The following IL2RA variants were observed in gnomAD, a reference collection of about 807,000 sequenced individuals.
IL2RA encodes the protein interleukin 2 receptor subunit alpha, also known as interleukin-2 receptor subunit alpha.
Under a neutral mutation model 37.8 loss-of-function variants are expected in IL2RA, and 24 were observed. That is an observed-to-expected ratio of 0.63 (90% CI 0.46 to 0.89). IL2RA has a LOEUF of 0.89. Among genes scored for constraint, IL2RA ranks in the 40% least tolerant of loss-of-function variants. IL2RA has a pLI of 0.00. For synonymous variants in IL2RA, 125 were observed against 114.6 expected, an observed-to-expected ratio of 1.09 and a Z score of -0.58; for missense variants, 319 against 348.6, an observed-to-expected ratio of 0.92 and a Z score of 0.68.
At chr10:6,027,846 T>C (rs1206807944) in intron 1 of IL2RA, among the ~76,000 whole-genome samples, 2 of 152,184 alleles carry the variant, frequency 1.3e-5, no homozygotes, top group Non-Finnish European at 2.9e-5. Flanking sequence ...TTGGCACTTA[T>C]TATGGATCAA....
chr10:6,030,067 G>A (rs190567576), intron 1 of IL2RA, among the ~76,000 whole-genome samples: 32 of 152,172 alleles, frequency 2.1e-4, no homozygotes, highest in Middle Eastern at 3.4e-3. Context: ...GCCTAGCCGG[G>A]GCTTGAAGGC....
chr10:6,012,568 T>C lies in IL2RA; in HGVS notation c.*304A>G, dbSNP rs1839206993. ...GGAGAGAGTTCCATACCATTCATGCTTTAATGAACACATATACATGAAAAT... is the reference window on the plus strand; with the variant it reads ...GGAGAGAGTTCCATACCATTCATGCCTTAATGAACACATATACATGAAAAT... On this transcript the variant is annotated 3_prime_UTR_variant, in exon 8 of 8. Transcript: ENST00000379959. The surrounding 1 kb of genome is among the most constrained non-coding windows in gnomAD (Gnocchi z 4.8). 2.0e-6 allele frequency: 1 copy of C among 508,058 alleles called. No individual in the cohort carries two copies. The highest frequency in any genetic ancestry group is 3.2e-5 in the Admixed American group (1 of 31,170). 31.5% of individuals were successfully genotyped at this position (508,058 alleles called of 1,614,324 possible). A position where few individuals can be genotyped will look rare whatever the true frequency, so the allele number is the denominator to read the frequency against.
At position 6,024,203 on chromosome 10, in the gene IL2RA, G is replaced by A. The variant is rs1052045289; in HGVS notation, c.367+41C>T. On this transcript the variant is annotated intron_variant, in intron 3 of 7. Transcript: ENST00000379959. ...CATCATCTGCCTGCAGGAGAAGGGTGCGCTAGCAGGAGTTAGCTGGAGGAC... is the reference window on the plus strand; with the variant it reads ...CATCATCTGCCTGCAGGAGAAGGGTACGCTAGCAGGAGTTAGCTGGAGGAC... 8 of 1,284,582 alleles carry A rather than the reference G, an allele frequency of 6.2e-6. No homozygotes were observed. In the African/African-American group the frequency reaches 1.2e-4, roughly 19 times the overall value. 79.6% of individuals were successfully genotyped at this position (1,284,582 alleles called of 1,614,324 possible).
intron 1 of IL2RA, among the ~76,000 whole-genome samples, chr10:6,052,704 A>G (rs184669616): frequency 3.7e-4 from 56 of 152,274 alleles, no homozygotes; most frequent in African/African-American, 1.2e-3. Flanking sequence ...TGCTGAGAGT[A>G]CAGAAAGCAG....
rs1170571182 is a variant in IL2RA, at chr10:6,046,425, A to T, written c.64+15663T>A. ...TCCGTGTGTTCACAGATGCTACCCC[A>T]GACATCGGGTAAGACAATGACATTT... On this transcript the variant is annotated intron_variant, in intron 1 of 7. Transcript: ENST00000379959. The surrounding 1 kb of genome is among the most constrained non-coding windows in gnomAD (Gnocchi z 4.8). Among the ~76,000 whole-genome samples the T allele has an allele frequency of 6.6e-6, 1 of 152,216 alleles. No homozygotes were observed. The highest frequency in any genetic ancestry group is 1.5e-5 in the Non-Finnish European group (1 of 68,040).
rs1370521658 is a variant in IL2RA at position 6,035,744 on chromosome 10, C to T, written c.65-9719G>A. On this transcript the variant is annotated intron_variant, in intron 1 of 7. Coordinates refer to ENST00000379959, the MANE Select transcript of IL2RA (RefSeq NM_000417.3). The surrounding 1 kb of genome is among the most constrained non-coding windows in gnomAD (Gnocchi z 5.4). ...CGAGGGCTTTGGCCTGGGACCCACACCAAGACAGAGTCAAACCGAGTTCTT... is the reference window on the plus strand; with the variant it reads ...CGAGGGCTTTGGCCTGGGACCCACATCAAGACAGAGTCAAACCGAGTTCTT... 6.6e-6 allele frequency among the ~76,000 whole-genome samples: 1 copy of T among 152,186 alleles called. No homozygotes were observed. Among genetic ancestry groups the T allele is most frequent in the East Asian group, 1.9e-4 (1 of 5,198 alleles).
rs1413705111 is a variant in IL2RA at position 6,011,188 on chromosome 10, ATGT to A, written c.*1681_*1683del. 6.6e-6 allele frequency: 1 copy of A among 152,370 alleles called. No individual in the cohort carries two copies. Among genetic ancestry groups the A allele is most frequent in the Non-Finnish European group, 1.5e-5 (1 of 68,050 alleles). The allele number at this position is 152,370 out of a possible 1,614,324, so 9.4% of individuals were successfully genotyped here. Reference sequence around the variant, plus strand: ...AATTTTCGTTAATGTTAATCGTGTGATGTTGTTGAGCTAGAATGTTGACTCAAC... The same window carrying A: ...AATTTTCGTTAATGTTAATCGTGTGATGTTGAGCTAGAATGTTGACTCAAC... On this transcript the variant is annotated 3_prime_UTR_variant, in exon 8 of 8. Coordinates refer to ENST00000379959, the MANE Select transcript of IL2RA (RefSeq NM_000417.3). The surrounding 1 kb of genome is among the most constrained non-coding windows in gnomAD (Gnocchi z 5.2).
Position 6,021,570 on chromosome 10 carries a change from G to A in IL2RA, c.491C>T (p.Ala164Val), listed in dbSNP as rs1380793631. ...GTGGGTCATTTTGCAGACGCTCTCA[G>A]CAGGACCTCTGTGTAGAGCCCTGTA... ...QGYRALHRGP[A>V]ESVCKMTHGK... The change falls in exon 4 of 8, where the codon GCT becomes GTT. Residue 164 changes from alanine (A) to valine (V), a missense_variant. Ala to Val is a moderately conservative substitution (Grantham distance 64). Transcript: ENST00000379959. This position sits in a 1 kb window ranked among gnomAD's most constrained non-coding sequence, Gnocchi z 4.9. The A allele has an allele frequency of 1.1e-5, 17 of 1,614,046 alleles. No homozygotes were observed. Among genetic ancestry groups the A allele is most frequent in the Non-Finnish European group, 1.4e-5 (16 of 1,179,984 alleles).
chr10:6,034,992 T>C (rs935610705), intron 1 of IL2RA, among the ~76,000 whole-genome samples: 3 of 152,212 alleles, frequency 2.0e-5, no homozygotes, highest in Non-Finnish European at 4.4e-5. Context: ...CTGGTGCCTA[T>C]GGACTGTGGG....
In IL2RA at chr10:6,028,481, G is replaced by T. The variant is rs1839518813; in HGVS notation, c.65-2456C>A. On this transcript the variant is annotated intron_variant, in intron 1 of 7. Coordinates refer to ENST00000379959, the MANE Select transcript of IL2RA (RefSeq NM_000417.3). This position sits in a 1 kb window ranked among gnomAD's most constrained non-coding sequence, Gnocchi z 4.1. Reference sequence around the variant, plus strand: ...TGAATTTCAAAACCAAAATAGACCTGCCCTTACAAAGATTAAAACCAAGCC... The same window carrying T: ...TGAATTTCAAAACCAAAATAGACCTTCCCTTACAAAGATTAAAACCAAGCC... Among the ~76,000 whole-genome samples, 1 of 152,180 alleles carries T rather than the reference G, an allele frequency of 6.6e-6. No individual in the cohort carries two copies. The highest frequency in any genetic ancestry group is 1.5e-5 in the Non-Finnish European group (1 of 68,036).
chr10:6,025,094 G>T lies in IL2RA; in HGVS notation c.256+740C>A, dbSNP rs1839457939. Among the ~76,000 whole-genome samples, 1 of 152,120 alleles carries T rather than the reference G, an allele frequency of 6.6e-6. No individual in the cohort carries two copies. The highest frequency in any genetic ancestry group is 2.1e-4 in the South Asian group (1 of 4,822). ...ACAAAAAATACAAAATATTAGCCAG[G>T]CATGGTGGTGTGCGCCTATAAGGCC... On this transcript the variant is annotated intron_variant, in intron 2 of 7. Transcript: ENST00000379959. The surrounding 1 kb of genome is among the most constrained non-coding windows in gnomAD (Gnocchi z 4.4).
chr10:6,043,731 C>T (rs1239221459), intron 1 of IL2RA, among the ~76,000 whole-genome samples: 2 of 152,144 alleles, frequency 1.3e-5, no homozygotes, highest in African/African-American at 4.8e-5. Flanking sequence ...AGCCATCACG[C>T]ACGACAAGAG....
chr10:6,041,695 T>G (rs1360315517), intron 1 of IL2RA, among the ~76,000 whole-genome samples: 1 of 152,244 alleles, frequency 6.6e-6, no homozygotes, highest in Non-Finnish European at 1.5e-5. Flanking sequence ...ACAAGGTCTA[T>G]TTTTGTTATG....
chr10:6,039,731 C>T (rs1354928621), intron 1 of IL2RA: 5 of 152,246 alleles, frequency 3.3e-5, no homozygotes, highest in African/African-American at 1.2e-4. Context: ...CTTCTCATTT[C>T]AGATGCTCCG....
intron 1 of IL2RA, among the ~76,000 whole-genome samples, chr10:6,060,373 C>G (rs908937683): frequency 2.6e-5 from 4 of 152,138 alleles, no homozygotes; most frequent in African/African-American, 9.7e-5. Flanking sequence ...CATACATGCT[C>G]AGGTGATGGG....
intron 7 of IL2RA, among the ~76,000 whole-genome samples, chr10:6,016,342 C>T (rs991126079): frequency 6.6e-6 from 1 of 151,068 alleles, no homozygotes; most frequent in African/African-American, 2.5e-5. Context: ...GGTAAGAAAT[C>T]TCTGTTCTTT....
At chr10:6,061,792 C>T (rs924265558) in intron 1 of IL2RA, among the ~76,000 whole-genome samples, 13 of 152,162 alleles carry the variant, frequency 8.5e-5, no homozygotes, top group African/African-American at 3.1e-4. Context: ...ACCTGCTCAT[C>T]GGGACCCTGT....
rs1334765285 is a variant in IL2RA at position 6,029,695 on chromosome 10, T to TA, written c.65-3671dup. 2.0e-5 allele frequency among the ~76,000 whole-genome samples: 3 copies of TA among 152,084 alleles called. No homozygotes were observed. The highest frequency in any genetic ancestry group is 4.4e-5 in the Non-Finnish European group (3 of 68,002). The stretch of plus-strand genomic sequence containing the variant: ...TGAAACAACAGGATATCTCAGTAGA[T>TA]AAATGAAAACTTGTAATTTTTTTTT... On this transcript the variant is annotated intron_variant, in intron 1 of 7. Transcript: ENST00000379959. This position sits in a 1 kb window ranked among gnomAD's most constrained non-coding sequence, Gnocchi z 4.6.
chr10:6,031,769 T>C (rs543014609), intron 1 of IL2RA, among the ~76,000 whole-genome samples: 2 of 152,114 alleles, frequency 1.3e-5, no homozygotes, highest in African/African-American at 4.8e-5. Flanking sequence ...AAAAAATCTA[T>C]TCACCTTAAA....
Sources: gnomAD v4.1 joint callset for allele counts (sites outside exome capture counted in the v4.1 genomes callset) on GRCh38, gnomAD v4.1.1 for gene constraint, Gnocchi (gnomAD v3.1) non-coding constraint, MANE v1.5 for transcripts, NCBI Gene and HGNC (gene_info 2026-07-23, HGNC 2026-07-21) for gene names.